The following UTP20 variants were observed in gnomAD, a reference collection of about 807,000 sequenced individuals.
UTP20 encodes the protein small subunit processome component 20 homolog.
UTP20 carries 164 observed loss-of-function variants against 329.5 expected under a neutral mutation model. That is an observed-to-expected ratio of 0.50 (90% CI 0.44 to 0.57). UTP20 has a LOEUF of 0.57. UTP20 is among the 20% of genes least tolerant of loss of function. UTP20 has a pLI of 0.00. For synonymous variants in UTP20, 1,151 were observed against 1,159.3 expected, an observed-to-expected ratio of 0.99 and a Z score of 0.14; for missense variants, 3,055 against 3,284.2, an observed-to-expected ratio of 0.93 and a Z score of 1.71.
chr12:101,318,154 C>T (rs1873037454), intron 22 of UTP20, among the ~76,000 whole-genome samples: 1 of 152,066 alleles, frequency 6.6e-6, no homozygotes, highest in Admixed American at 6.6e-5. Flanking sequence ...ACTTTTTTCT[C>T]ATGCTGTTGT....
chr12:101,385,643 T>C lies in UTP20; in HGVS notation c.8117T>C (p.Leu2706Pro). ...IIELLKKLVG[L>P]ESFSLAFASV... ...GAATTACTCAAAAAGCTGGTTGGGCTTGAGAGCTTCTCATTAGCCTTTGCC... is the reference window on the plus strand; with the variant it reads ...GAATTACTCAAAAAGCTGGTTGGGCCTGAGAGCTTCTCATTAGCCTTTGCC... Residue 2706 changes from leucine to proline, a missense_variant, in exon 61 of 62, where the codon CTT becomes CCT. Transcript: ENST00000261637. 6.2e-7 allele frequency: 1 copy of C among 1,614,040 alleles called. No homozygotes were observed. The highest frequency in any genetic ancestry group is 8.5e-7 in the Non-Finnish European group (1 of 1,180,012).
chr12:101,298,661 T>C (rs1378294296), intron 12 of UTP20, among the ~76,000 whole-genome samples: 1 of 152,152 alleles, frequency 6.6e-6, no homozygotes, highest in East Asian at 1.9e-4. Flanking sequence ...CATTTTTGTT[T>C]TTTAAAGCAT....
chr12:101,373,971 C>T (rs1870385813), intron 54 of UTP20, among the ~76,000 whole-genome samples: 1 of 152,168 alleles, frequency 6.6e-6, no homozygotes, highest in African/African-American at 2.4e-5. Flanking sequence ...CGCGGTGGCT[C>T]ACGCCTGTAA....
chr12:101,385,882 G>C, intron 61 of UTP20, 86 bp from the exon 62 acceptor site: 1 of 1,450,350 alleles, frequency 6.9e-7, no homozygotes, highest in Non-Finnish European at 9.2e-7. Flanking sequence ...ATGAGCATGT[G>C]TTTTTTACAT....
intron 25 of UTP20, among the ~76,000 whole-genome samples, chr12:101,322,783 A>G (rs950232700): frequency 1.2e-4 from 18 of 152,234 alleles, no homozygotes; most frequent in Non-Finnish European, 1.5e-5. Flanking sequence ...AGCTTTAAGA[A>G]CTTTACTATA....
At chr12:101,299,498 T>C (rs1872457884) in intron 12 of UTP20, among the ~76,000 whole-genome samples, 184 bp from the exon 13 acceptor site, 1 of 152,176 alleles carries the variant, frequency 6.6e-6, no homozygotes, top group South Asian at 2.1e-4. Flanking sequence ...GTAGAGCCAG[T>C]GGAGTTGAAA....
chr12:101,314,965 G>A (rs1458085667), intron 21 of UTP20, among the ~76,000 whole-genome samples: 1 of 151,950 alleles, frequency 6.6e-6, no homozygotes, highest in Non-Finnish European at 1.5e-5. Flanking sequence ...GGTGGTGCCT[G>A]CCTGTAAGTC....
intron 8 of UTP20, chr12:101,291,171 C>G (rs1005618281): frequency 1.9e-5 from 5 of 266,010 alleles, no homozygotes; most frequent in Admixed American, 5.1e-5. Flanking sequence ...TTTGAAATCT[C>G]GATTCCCCAG....
At chr12:101,356,742 C>G (rs749132049) in intron 42 of UTP20, 49 bp downstream of exon 42, 6 of 1,571,070 alleles carry the variant, frequency 3.8e-6, no homozygotes. Flanking sequence ...AAAATTGGTT[C>G]TTTTCTTCCT....
intron 57 of UTP20, 62 bp downstream of exon 57, chr12:101,379,620 G>T: frequency 6.6e-7 from 1 of 1,526,432 alleles, no homozygotes; most frequent in Non-Finnish European, 8.9e-7. Flanking sequence ...TCTGGTTCAT[G>T]TAACTATCTT....
chr12:101,366,156 CG>C (rs1472792570), intron 46 of UTP20, among the ~76,000 whole-genome samples: 1 of 151,976 alleles, frequency 6.6e-6, no homozygotes, highest in African/African-American at 2.4e-5. Context: ...CACTTGAACC[CG>C]GGAGGCGGAG....
chr12:101,378,967 C>G (rs932004477), intron 56 of UTP20, among the ~76,000 whole-genome samples: 1 of 152,096 alleles, frequency 6.6e-6, no homozygotes, highest in African/African-American at 2.4e-5. Flanking sequence ...ATAATTATGC[C>G]TACTTATGGG....
chr12:101,379,474 T>A lies in UTP20; in HGVS notation c.7500T>A (p.Ile2500=). 9 of 1,614,110 alleles carry A rather than the reference T, an allele frequency of 5.6e-6. No homozygotes were observed. Among genetic ancestry groups the A allele is most frequent in the Non-Finnish European group, 7.6e-6 (9 of 1,180,008 alleles). ...LFASCQPEEL[I]QKWNTKKTKK... Reference sequence around the variant, plus strand: ...CCTCTTGCCAGCCAGAGGAGCTTATTCAAAAATGGAATACCAAAAAGACCA... The same window carrying A: ...CCTCTTGCCAGCCAGAGGAGCTTATACAAAAATGGAATACCAAAAAGACCA... Residue 2500 remains isoleucine, a synonymous_variant, in exon 57 of 62, where the codon ATT becomes ATA. Transcript: ENST00000261637.
intron 29 of UTP20, among the ~76,000 whole-genome samples, chr12:101,337,820 A>G (rs1868980694): frequency 6.6e-6 from 1 of 152,328 alleles, no homozygotes; most frequent in Non-Finnish European, 1.5e-5. Flanking sequence ...GACCACATAG[A>G]AACGTTGTGA....
At position 101,280,193 on chromosome 12, in the gene UTP20, A is replaced by G; in HGVS notation, c.-90A>G. On this transcript the variant is annotated 5_prime_UTR_variant, in exon 1 of 62. Transcript: ENST00000261637. ...TCTGGGCATCTGGGAATCGGAGAGTATAGCCTGTGAGCCGCTTTCCCCTCC... is the reference window on the plus strand; with the variant it reads ...TCTGGGCATCTGGGAATCGGAGAGTGTAGCCTGTGAGCCGCTTTCCCCTCC... The G allele has an allele frequency of 1.3e-6, 2 of 1,496,916 alleles. No individual in the cohort carries two copies. The highest frequency in any genetic ancestry group is 1.7e-4 in the Middle Eastern group (1 of 5,862). The allele number at this position is 1,496,916 out of a possible 1,614,324, so 92.7% of individuals were successfully genotyped here.
chr12:101,293,127 T>C (rs928789326), intron 10 of UTP20, 41 bp from the exon 11 acceptor site: 15 of 1,586,796 alleles, frequency 9.5e-6, no homozygotes, highest in Non-Finnish European at 1.3e-5. Flanking sequence ...GGGAAAATAC[T>C]CTCTGTGTAC....
Position 101,302,505 on chromosome 12 carries a change from C to T in UTP20, c.1733C>T (p.Ser578Phe). 6.2e-7 allele frequency: 1 copy of T among 1,610,660 alleles called. No homozygotes were observed. The highest frequency in any genetic ancestry group is 1.1e-5 in the South Asian group (1 of 89,622). Reference protein sequence around the residue: ...VNTLLSLEESSELLHLVPVER... With the variant: ...VNTLLSLEESFELLHLVPVER... Reference sequence around the variant, plus strand: ...ACTCTACTAAGTTTGGAAGAATCTTCTGAACTTCTTCATTTGGTTCCTGTG... The same window carrying T: ...ACTCTACTAAGTTTGGAAGAATCTTTTGAACTTCTTCATTTGGTTCCTGTG... Residue 578 changes from serine (S) to phenylalanine (F), a missense_variant, in exon 15 of 62, where the codon TCT (serine) becomes TTT (phenylalanine). Physicochemically the swap from Ser to Phe is radical, Grantham distance 155 (BLOSUM62 -2). Around this residue, in one of 3 missense-constraint regions of UTP20, gnomAD observed 2,445 missense variants for 2,575.5 expected, o/e 0.95. Transcript: ENST00000261637.
In UTP20 at chr12:101,383,082, A is replaced by T; in HGVS notation, c.7698A>T (p.Leu2566Phe). Residue 2566 changes from leucine to phenylalanine, a missense_variant, in exon 59 of 62, where the codon TTA becomes TTT. By Grantham distance (22) the Leu-to-Phe change is conservative. Around this residue, in one of 3 missense-constraint regions of UTP20, gnomAD observed 337 missense variants for 345.5 expected, o/e 0.98. Coordinates refer to ENST00000261637, the MANE Select transcript of UTP20 (RefSeq NM_014503.3). ...NLLFAAKVLY[L>F]LELYCEDKQS... ...TGTTCGCAGCCAAAGTCTTGTATTT[A>T]CTGGAACTTTATTGTGAGGATAAGC... is the stretch of plus-strand genomic sequence containing the variant. 8 of 1,610,278 alleles carry T rather than the reference A, an allele frequency of 5.0e-6. No homozygotes were observed. Among genetic ancestry groups the T allele is most frequent in the Non-Finnish European group, 6.8e-6 (8 of 1,178,804 alleles).
intron 22 of UTP20, among the ~76,000 whole-genome samples, chr12:101,317,988 G>A (rs575528231): frequency 1.3e-5 from 2 of 152,154 alleles, no homozygotes; most frequent in Non-Finnish European, 2.9e-5. Flanking sequence ...CACTTTCCCA[G>A]CGTGAGGGTA....
Sources: gnomAD v4.1 joint callset for allele counts (sites outside exome capture counted in the v4.1 genomes callset) on GRCh38, gnomAD v4.1.1 for gene constraint, gnomAD v4.1.1 regional missense constraint, MANE v1.5 for transcripts, NCBI Gene and HGNC (gene_info 2026-07-23, HGNC 2026-07-21) for gene names.